The following DNAH6 variants were observed in gnomAD, a reference collection of about 807,000 sequenced individuals.
The protein encoded by DNAH6 is axonemal beta dynein heavy chain 6.
A neutral mutation model predicts 491.4 loss-of-function variants in DNAH6; 340 were observed. The observed-to-expected ratio is 0.69, with a 90% confidence interval of 0.63 to 0.76. The LOEUF is 0.76. Ranked by LOEUF, DNAH6 falls within the 30% of genes least tolerant of loss-of-function variation. The pLI, the probability that DNAH6 is intolerant of heterozygous loss-of-function variation, is 0.00. For missense variants in DNAH6, 4,443 were observed against 4,972.2 expected (o/e 0.89, Z 3.20); for synonymous variants, 1,603 against 1,686.1 (o/e 0.95, Z 1.21).
chr2:84,621,167 A>G (rs1687359117), intron 24 of DNAH6, 24 bp from the exon 25 acceptor site: 1 of 1,550,466 alleles, frequency 6.4e-7, no homozygotes, highest in Non-Finnish European at 8.7e-7. Context: ...AAGCCACTTT[A>G]TCAATGCTCT....
chr2:84,691,775 TTTAAAAATTTTTTTCAACCA>T (rs1229210297), intron 45 of DNAH6, among the ~76,000 whole-genome samples: 3 of 152,238 alleles, frequency 2.0e-5, no homozygotes, highest in Non-Finnish European at 4.4e-5. Context: ...AATATTACTC[TTTAAAAATTTTTTTCAACCA>T]TTAAAAAAAA....
intron 11 of DNAH6, among the ~76,000 whole-genome samples, chr2:84,560,922 G>T (rs1268505091): frequency 3.3e-5 from 5 of 151,416 alleles, no homozygotes; most frequent in East Asian, 1.9e-4. Context: ...ATAAACATAC[G>T]TGTGCATGTG....
the DNAH6 span, among the ~76,000 whole-genome samples, chr2:84,470,362 A>G: frequency 6.6e-6 from 1 of 152,182 alleles, no homozygotes; most frequent in African/African-American, 2.4e-5. Context: ...TAAGAAAGTA[A>G]AGGAATAAAA....
At chr2:84,503,610 T>G in the DNAH6 span, among the ~76,000 whole-genome samples, 1 of 152,272 alleles carries the variant, frequency 6.6e-6, no homozygotes, top group Admixed American at 6.5e-5. Flanking sequence ...CTTTCATTTT[T>G]TTAGGAAAGG....
At chr2:84,534,618 C>T (rs1436572230) in intron 4 of DNAH6, among the ~76,000 whole-genome samples, 1 of 151,428 alleles carries the variant, frequency 6.6e-6, no homozygotes, top group African/African-American at 2.4e-5. Context: ...GTGTGTTTTC[C>T]TTTTGACACA....
chr2:84,577,397 C>T lies in DNAH6; in HGVS notation c.2065C>T (p.Arg689Ter), dbSNP rs772365450. ...AGAAAAATTAATTCCATCACCTTTG[C>T]GATGCTTAGAGGTAACTATAAACTA... is the stretch of plus-strand genomic sequence containing the variant. The part of the protein sequence containing the change: ...LREKLIPSPL[R>*]CLEVLNFMLP... Residue 689 changes from arginine (R) to a stop codon, truncating the protein, a stop_gained, in exon 13 of 77, where the codon CGA becomes TGA. Coordinates refer to ENST00000389394, the MANE Select transcript of DNAH6 (RefSeq NM_001370.2). LOFTEE classifies it high-confidence loss of function. 14 of 1,597,856 alleles carry T rather than the reference C, an allele frequency of 8.8e-6. No individual in the cohort carries two copies. The highest frequency in any genetic ancestry group is 1.7e-4 in the Middle Eastern group (1 of 5,996).
rs1456853351 is a variant in DNAH6 at position 84,762,665 on chromosome 2, A to G, written c.10513-90A>G. 10 of 881,010 alleles carry G rather than the reference A, an allele frequency of 1.1e-5. No homozygotes were observed. In the East Asian group the frequency reaches 2.4e-4, roughly 21 times the overall value. The allele number at this position is 881,010 out of a possible 1,614,324, so 54.6% of individuals were successfully genotyped here. A position where few individuals can be genotyped will look rare whatever the true frequency, so the allele number is the denominator to read the frequency against. On this transcript the variant is annotated intron_variant, in intron 63 of 76. Coordinates refer to ENST00000389394, the MANE Select transcript of DNAH6 (RefSeq NM_001370.2). ...CAGAATAAGTACAAAAACACAGGAC[A>G]CCAACCTCTGAGGAGCTGAAGGAGA... is the stretch of plus-strand genomic sequence containing the variant.
In DNAH6 at chr2:84,604,330, G is replaced by T; in HGVS notation, c.2869-9G>T. The T allele has an allele frequency of 6.5e-7, 1 of 1,549,424 alleles. No individual in the cohort carries two copies. Among genetic ancestry groups the T allele is most frequent in the Non-Finnish European group, 8.7e-7 (1 of 1,144,756 alleles). On this transcript the variant is annotated splice_polypyrimidine_tract_variant and intron_variant, in intron 18 of 76. Coordinates refer to ENST00000389394, the MANE Select transcript of DNAH6 (RefSeq NM_001370.2). The stretch of plus-strand genomic sequence containing the variant: ...AAGCTTCATGTCTCTGAGAGTGTTT[G>T]TTTTTCAGCTTCCAGTTATCATTGA...
In DNAH6 at chr2:84,520,368, A is replaced by G. The variant is rs138006493; in HGVS notation, c.225+2317A>G. Among the ~76,000 whole-genome samples the G allele has an allele frequency of 4.3e-4, 66 of 152,214 alleles. 1 individual carries two copies. In the South Asian group the frequency reaches 6.8e-3, roughly 16 times the overall value. ...TCCAACTTTTTGTTGCCTGATCTGCATAGGTGAAACTGCACCTTCACACAG... is the reference window on the plus strand; with the variant it reads ...TCCAACTTTTTGTTGCCTGATCTGCGTAGGTGAAACTGCACCTTCACACAG... On this transcript the variant is annotated intron_variant, in intron 2 of 76. Transcript: ENST00000389394.
At chr2:84,524,506 G>T (rs1038168310) in intron 2 of DNAH6, among the ~76,000 whole-genome samples, 1 of 152,022 alleles carries the variant, frequency 6.6e-6, no homozygotes, top group South Asian at 2.1e-4. Context: ...ACACTGGCTT[G>T]TTTGTGTGGT....
intron 45 of DNAH6, among the ~76,000 whole-genome samples, chr2:84,688,995 T>C (rs1026618096): frequency 6.6e-6 from 1 of 152,216 alleles, no homozygotes; most frequent in Non-Finnish European, 1.5e-5. Context: ...TGCTTGCATG[T>C]CTGACTCTTA....
chr2:84,699,720 G>A lies in DNAH6; in HGVS notation c.7804G>A (p.Asp2602Asn). 1 of 1,551,412 alleles carries A rather than the reference G, an allele frequency of 6.4e-7. No individual in the cohort carries two copies. Among genetic ancestry groups the A allele is most frequent in the African/African-American group, 1.4e-5 (1 of 73,160 alleles). ...ATCCCTTGTGAATTGCTGCACCATT[G>A]ACTGGTTTGTGCAGGTTGGTGACAT... ...FPSLVNCCTIDWFVQWPREAL... is the reference protein window; with the variant it reads ...FPSLVNCCTINWFVQWPREAL... Residue 2602 changes from aspartate to asparagine, a missense_variant, in exon 48 of 77, where the codon GAC becomes AAC. By Grantham distance (23) the Asp-to-Asn change is conservative. This residue lies in a region of DNAH6 where 2,977 missense variants were observed against 3,296.6 expected (regional missense o/e 0.90). Transcript: ENST00000389394.
At chr2:84,817,702 T>C (rs1422464762) in intron 76 of DNAH6, among the ~76,000 whole-genome samples, 2 of 152,196 alleles carry the variant, frequency 1.3e-5, no homozygotes, top group Non-Finnish European at 2.9e-5. Flanking sequence ...ATTTGGCTCA[T>C]GGTTCTGCAG....
intron 63 of DNAH6, among the ~76,000 whole-genome samples, 186 bp from the exon 64 acceptor site, chr2:84,762,569 A>G (rs1674692801): frequency 1.3e-5 from 2 of 152,178 alleles, no homozygotes; most frequent in South Asian, 4.1e-4. Context: ...TGAGAACCAT[A>G]GCTGTCCACA....
intron 67 of DNAH6, among the ~76,000 whole-genome samples, chr2:84,785,981 T>C (rs1186811529): frequency 6.6e-6 from 1 of 152,166 alleles, no homozygotes; most frequent in East Asian, 1.9e-4. Context: ...ATACCATCAA[T>C]TGGATGAATG....
At chr2:84,684,825 A>C (rs1400528717) in intron 42 of DNAH6, among the ~76,000 whole-genome samples, 1 of 152,242 alleles carries the variant, frequency 6.6e-6, no homozygotes, top group Non-Finnish European at 1.5e-5. Context: ...AACAATTTAC[A>C]CTAATGAAAT....
intron 63 of DNAH6, among the ~76,000 whole-genome samples, chr2:84,749,499 G>A (rs549221619): frequency 1.3e-4 from 20 of 152,310 alleles, no homozygotes; most frequent in African/African-American, 4.3e-4. Flanking sequence ...TTGACCATGG[G>A]TATGGGTGAC....
At chr2:84,611,473 G>A (rs374590451) in intron 21 of DNAH6, among the ~76,000 whole-genome samples, 109 of 152,130 alleles carry the variant, frequency 7.2e-4, no homozygotes, top group African/African-American at 2.4e-3. Context: ...TTAGAACTCT[G>A]CTCAGTAGAC....
rs1182895155 is a variant in DNAH6 at position 84,718,239 on chromosome 2, A to T, written c.9647A>T (p.Glu3216Val). Residue 3216 changes from glutamate to valine, a missense_variant, in exon 59 of 77, where the codon GAA (glutamate) becomes GTA (valine). Glu to Val is a moderately radical substitution (Grantham distance 121). Coordinates refer to ENST00000389394, the MANE Select transcript of DNAH6 (RefSeq NM_001370.2). Reference protein sequence around the residue: ...VVRLEKPRLEEQRIKLIVRIN... With the variant: ...VVRLEKPRLEVQRIKLIVRIN... The stretch of plus-strand genomic sequence containing the variant: ...CGACTTGAAAAACCCAGGTTGGAAG[A>T]ACAAAGAATTAAGCTCATCGTGAGG... 5 of 1,542,030 alleles carry T rather than the reference A, an allele frequency of 3.2e-6. No individual in the cohort carries two copies. In the African/African-American group the frequency reaches 6.9e-5, roughly 21 times the overall value.
Sources: gnomAD v4.1 joint callset for allele counts (sites outside exome capture counted in the v4.1 genomes callset) on GRCh38, gnomAD v4.1.1 for gene constraint, gnomAD v4.1.1 regional missense constraint, MANE v1.5 for transcripts, NCBI Gene and HGNC (gene_info 2026-07-23, HGNC 2026-07-21) for gene names.